The following MATR3 variants were observed in gnomAD, a reference collection of about 807,000 sequenced individuals.
MATR3 encodes the protein matrin 3.
MATR3 carries 4 observed loss-of-function variants against 85.5 expected under a neutral mutation model. That is an observed-to-expected ratio of 0.05 (90% CI 0.02 to 0.11). The LOEUF (loss-of-function observed/expected upper bound fraction) is 0.11, where lower values mean the gene tolerates loss of function less well. Ranked by LOEUF, MATR3 falls within the 10% of genes least tolerant of loss-of-function variation. The pLI is 1.00. For synonymous variants in MATR3, 336 were observed against 343.1 expected (o/e 0.98, Z 0.23); for missense variants, 685 against 1,016.1 (o/e 0.67, Z 4.43).
chr5:139,304,484 G>C (rs1203053123), intron 1 of MATR3, among the ~76,000 whole-genome samples: 1 of 147,650 alleles, frequency 6.8e-6, no homozygotes, highest in Non-Finnish European at 1.5e-5. Flanking sequence ...TGGGCATCAA[G>C]AGTGAAACTC....
chr5:139,313,126 A>T (rs1755076095), intron 2 of MATR3: 1 of 150,268 alleles, frequency 6.7e-6, no homozygotes, highest in South Asian at 2.1e-4. Flanking sequence ...ACCTTACTCT[A>T]ATTTAGTTCA....
chr5:139,326,302 A>G lies in MATR3; in HGVS notation c.2493+18A>G. The G allele has an allele frequency of 6.2e-7, 1 of 1,610,862 alleles. No homozygotes were observed. Among genetic ancestry groups the G allele is most frequent in the South Asian group, 1.1e-5 (1 of 91,038 alleles). Reference sequence around the variant, plus strand: ...AATTAAAGGTAAGGTTGAATGTAAAACAGTTCTTTTGTGAAAACTTAACAA... The same window carrying G: ...AATTAAAGGTAAGGTTGAATGTAAAGCAGTTCTTTTGTGAAAACTTAACAA... On this transcript the variant is annotated intron_variant, in intron 14 of 14. Transcript: ENST00000394805.
intron 12 of MATR3, among the ~76,000 whole-genome samples, chr5:139,324,260 A>C (rs1224792315): frequency 6.7e-6 from 1 of 150,108 alleles, no homozygotes; most frequent in Non-Finnish European, 1.5e-5. Flanking sequence ...CAAAATTTAA[A>C]CTTGGGCAGT....
intron 2 of MATR3, chr5:139,311,583 A>G (rs532204281): frequency 6.6e-6 from 1 of 152,202 alleles, no homozygotes; most frequent in East Asian, 1.9e-4. Context: ...AGGATTGGAT[A>G]TAATTTCTGT....
Position 139,331,124 on chromosome 5 carries a change from A to G in MATR3, c.*1729A>G, listed in dbSNP as rs1305434095. 8.8e-6 allele frequency: 4 copies of G among 454,110 alleles called. No homozygotes were observed. Among genetic ancestry groups the G allele is most frequent in the Non-Finnish European group, 1.8e-5 (4 of 226,786 alleles). 28.1% of individuals were successfully genotyped at this position (454,110 alleles called of 1,614,324 possible). A position where few individuals can be genotyped will look rare whatever the true frequency, so the allele number is the denominator to read the frequency against. ...AAGTTTTAATTTCAAAAAAATCTAC[A>G]AAAACAGGATAGGCATTGTCTTTCA... On this transcript the variant is annotated 3_prime_UTR_variant, in exon 15 of 15. Coordinates refer to ENST00000394805, the MANE Select transcript of MATR3 (RefSeq NM_018834.6).
intron 1 of MATR3, among the ~76,000 whole-genome samples, chr5:139,303,988 A>G (rs548172537): frequency 7.2e-5 from 11 of 152,262 alleles, no homozygotes; most frequent in African/African-American, 2.4e-4. Flanking sequence ...TTTTAATTGG[A>G]GAAGAAAAAG....
chr5:139,318,308 A>G (rs1227903367), intron 7 of MATR3, among the ~76,000 whole-genome samples: 1 of 151,944 alleles, frequency 6.6e-6, no homozygotes, highest in Non-Finnish European at 1.5e-5. Context: ...TGATTTTTGT[A>G]TTTTTAGTAG....
Position 139,293,954 on chromosome 5 carries a change from A to G in MATR3, c.-178+149A>G, listed in dbSNP as rs769207159. The stretch of plus-strand genomic sequence containing the variant: ...CGCTCTGCCTCCCTCCGCGTTGCGT[A>G]TGTGAGCCGCCTGATCGGCGGCCGC... On this transcript the variant is annotated intron_variant, in intron 1 of 14. Coordinates refer to ENST00000394805, the MANE Select transcript of MATR3 (RefSeq NM_018834.6). 5.6e-6 allele frequency: 7 copies of G among 1,253,776 alleles called. No homozygotes were observed. In the South Asian group the frequency reaches 1.5e-4, roughly 27 times the overall value. 77.7% of individuals were successfully genotyped at this position (1,253,776 alleles called of 1,614,324 possible). A position where few individuals can be genotyped will look rare whatever the true frequency, so the allele number is the denominator to read the frequency against.
intron 1 of MATR3, chr5:139,294,179 G>C: frequency 2.8e-6 from 2 of 725,794 alleles, no homozygotes. Context: ...GTTACACGCG[G>C]GCCGCGGCGC....
intron 1 of MATR3, chr5:139,276,028 C>T (rs975740075): frequency 1.5e-5 from 7 of 456,618 alleles, no homozygotes; most frequent in Non-Finnish European, 3.1e-5. Flanking sequence ...GTTTCTGTGG[C>T]TTAGGCCTAA....
intron 1 of MATR3, among the ~76,000 whole-genome samples, chr5:139,306,101 G>A (rs979051848): frequency 5.9e-5 from 9 of 152,112 alleles, no homozygotes; most frequent in African/African-American, 2.2e-4. Context: ...ATTTACCTCT[G>A]TATGTAGTTG....
In MATR3 at chr5:139,309,878, T is replaced by A. The variant is rs1754884653; in HGVS notation, c.912+1551T>A. Among the ~76,000 whole-genome samples the A allele has an allele frequency of 3.3e-5, 5 of 152,276 alleles. No homozygotes were observed. The Middle Eastern group carries it at 0.01, about 311-fold the overall frequency. ...TTTTCTGCGTTATTTCTTGCCTGTT[T>A]ATAAGGAAATAATAGCAGAAATGTC... is the stretch of plus-strand genomic sequence containing the variant. On this transcript the variant is annotated intron_variant, in intron 2 of 14. Coordinates refer to ENST00000394805, the MANE Select transcript of MATR3 (RefSeq NM_018834.6).
chr5:139,284,993 A>G (rs1753657673), intron 3 of MATR3, among the ~76,000 whole-genome samples: 1 of 152,184 alleles, frequency 6.6e-6, no homozygotes, highest in East Asian at 1.9e-4. Context: ...AATACATTTA[A>G]CACATCTCTT....
chr5:139,327,000 A>G (rs2152026630), intron 14 of MATR3, among the ~76,000 whole-genome samples: 1 of 152,334 alleles, frequency 6.6e-6, no homozygotes, highest in Non-Finnish European at 1.5e-5. Flanking sequence ...TATGACCAAA[A>G]GTATATAAAG....
chr5:139,287,618 T>TA (rs139718775), intron 3 of MATR3, among the ~76,000 whole-genome samples: 68 of 144,348 alleles, frequency 4.7e-4, no homozygotes, highest in Admixed American at 9.0e-4. Context: ...ACTCCGTCTC[T>TA]AAAAAAAAAA....
chr5:139,324,647 G>C (rs533451068), intron 12 of MATR3, among the ~76,000 whole-genome samples: 9 of 152,110 alleles, frequency 5.9e-5, no homozygotes, highest in South Asian at 4.2e-4. Flanking sequence ...CTAAAGAGTA[G>C]GTATTTGCAG....
intron 1 of MATR3, among the ~76,000 whole-genome samples, chr5:139,305,590 C>T (rs903970697): frequency 2.6e-5 from 4 of 152,120 alleles, no homozygotes; most frequent in Admixed American, 6.5e-5. Context: ...GCATCTCAGC[C>T]GCCATTCTGT....
intron 1 of MATR3, among the ~76,000 whole-genome samples, chr5:139,296,675 C>A (rs751515993): frequency 6.6e-6 from 1 of 151,984 alleles, no homozygotes; most frequent in East Asian, 2.0e-4. Flanking sequence ...TATAAGCAAA[C>A]ACAGGAATCA....
At chr5:139,325,890 T>C (rs1435189934) in intron 13 of MATR3, among the ~76,000 whole-genome samples, 2 of 152,212 alleles carry the variant, frequency 1.3e-5, no homozygotes, top group African/African-American at 4.8e-5. Context: ...GTTCCCTTTT[T>C]TCGTAAAATT....
Sources: allele counts gnomAD v4.1 joint callset (sites outside exome capture counted in the v4.1 genomes callset), GRCh38; gene constraint gnomAD v4.1.1; transcripts MANE v1.5; gene names NCBI Gene and HGNC (gene_info 2026-07-23, HGNC 2026-07-21).